The following CDH4 variants were observed in gnomAD, a reference collection of about 807,000 sequenced individuals.
CDH4 encodes cadherin 4.
In CDH4, 33 loss-of-function variants were observed where a neutral mutation model predicts 86.0. The ratio of observed to expected loss-of-function variants is 0.38; its 90% confidence interval spans 0.29 to 0.51. The LOEUF (loss-of-function observed/expected upper bound fraction) is 0.51, where lower values mean the gene tolerates loss of function less well. Ranked by LOEUF, CDH4 falls within the 20% of genes least tolerant of loss-of-function variation. The pLI, the probability that CDH4 is intolerant of heterozygous loss-of-function variation, is 0.86. For missense variants in CDH4, 1,114 were observed against 1,307.4 expected (o/e 0.85, Z 2.28); for synonymous variants, 555 against 549.4 (o/e 1.01, Z -0.14).
chr20:61,527,024 G>A (rs1200877282), intron 2 of CDH4, among the ~76,000 whole-genome samples: 3 of 152,332 alleles, frequency 2.0e-5, no homozygotes, highest in African/African-American at 2.4e-5. Flanking sequence ...CCTTCCCGAC[G>A]GGGCTCCATT....
At chr20:61,803,992 G>A (rs113594423) in intron 4 of CDH4, among the ~76,000 whole-genome samples, 9,507 of 152,314 alleles carry the variant, frequency 0.062, 396 homozygotes, top group Middle Eastern at 0.12. Context: ...GTTGTGTTTA[G>A]CAAGTATCTC....
intron 2 of CDH4, among the ~76,000 whole-genome samples, chr20:61,594,513 G>A (rs1600791021): frequency 6.6e-6 from 1 of 152,190 alleles, no homozygotes; most frequent in African/African-American, 2.4e-5. Context: ...TTTCCAAAAC[G>A]GCATGCTGTG....
Position 61,708,893 on chromosome 20 carries a change from C to A in CDH4, c.170-34670C>A, listed in dbSNP as rs891555814. Among the ~76,000 whole-genome samples, 1 of 152,224 alleles carries A rather than the reference C, an allele frequency of 6.6e-6. No individual in the cohort carries two copies. The highest frequency in any genetic ancestry group is 2.1e-4 in the South Asian group (1 of 4,832). ...TCTTTTCCTGGTAATTTAGTTCTAT[C>A]GTATTTTACAAAGTATCAGCTTGTG... On this transcript the variant is annotated intron_variant, in intron 2 of 15. Transcript: ENST00000614565. The surrounding 1 kb of genome is among the most constrained non-coding windows in gnomAD (Gnocchi z 4.5).
At chr20:61,494,410 G>A (rs1023680683) in intron 2 of CDH4, among the ~76,000 whole-genome samples, 1 of 152,136 alleles carries the variant, frequency 6.6e-6, no homozygotes, top group Non-Finnish European at 1.5e-5. Context: ...TTTAACAAAT[G>A]CATTGTTATC....
chr20:61,744,096 G>T (rs998452466), intron 3 of CDH4, among the ~76,000 whole-genome samples: 8 of 152,168 alleles, frequency 5.3e-5, no homozygotes, highest in African/African-American at 1.9e-4. Context: ...TTTCAAACTG[G>T]GCACTGCAAA....
intron 2 of CDH4, among the ~76,000 whole-genome samples, chr20:61,660,704 G>A (rs2087244090): frequency 6.6e-6 from 1 of 152,168 alleles, no homozygotes; most frequent in Non-Finnish European, 1.5e-5. Context: ...GGTCCCAGAA[G>A]GCCTAGTCCT....
chr20:61,881,706 G>A (rs1311138600), intron 7 of CDH4, among the ~76,000 whole-genome samples: 1 of 152,192 alleles, frequency 6.6e-6, no homozygotes, highest in Non-Finnish European at 1.5e-5. Flanking sequence ...GGAGGAGTGA[G>A]AACCCGTCAC....
chr20:61,688,538 A>T (rs534777913), intron 2 of CDH4, among the ~76,000 whole-genome samples: 1 of 152,330 alleles, frequency 6.6e-6, no homozygotes, highest in South Asian at 2.1e-4. Context: ...TGGGCAGGAC[A>T]CCTGCTTCTC....
chr20:61,580,282 C>T (rs2086415664), intron 2 of CDH4, among the ~76,000 whole-genome samples: 1 of 152,040 alleles, frequency 6.6e-6, no homozygotes, highest in South Asian at 2.1e-4. Flanking sequence ...TGATGAAACC[C>T]CATCTCTACT....
intron 2 of CDH4, among the ~76,000 whole-genome samples, chr20:61,430,063 C>G (rs1039959358): frequency 2.0e-5 from 3 of 152,238 alleles, no homozygotes; most frequent in Admixed American, 6.5e-5. Flanking sequence ...TCCCATGGAT[C>G]TGGACACCCT....
At chr20:61,287,829 A>T (rs1457828548) in intron 2 of CDH4, among the ~76,000 whole-genome samples, 1 of 152,192 alleles carries the variant, frequency 6.6e-6, no homozygotes, top group African/African-American at 2.4e-5. Context: ...AGAGGCGTGC[A>T]GGGACCAGCC....
At chr20:61,340,564 G>A (rs1278254262) in intron 2 of CDH4, among the ~76,000 whole-genome samples, 1 of 151,616 alleles carries the variant, frequency 6.6e-6, no homozygotes, top group African/African-American at 2.4e-5. Context: ...TAAAACAAGT[G>A]TTTGTTTCTT....
At chr20:61,788,209 C>T (rs1978987454) in intron 4 of CDH4, among the ~76,000 whole-genome samples, 1 of 152,146 alleles carries the variant, frequency 6.6e-6, no homozygotes, top group Admixed American at 6.5e-5. Flanking sequence ...ATCTGTGACC[C>T]TTGAGGAATG....
At chr20:61,458,357 C>A (rs569511056) in intron 2 of CDH4, among the ~76,000 whole-genome samples, 1 of 138,358 alleles carries the variant, frequency 7.2e-6, no homozygotes, top group African/African-American at 2.7e-5. Flanking sequence ...AGTGCTGACG[C>A]TGTGGTGGTC....
intron 2 of CDH4, among the ~76,000 whole-genome samples, chr20:61,323,950 T>C (rs757476105): frequency 1.1e-4 from 16 of 152,144 alleles, no homozygotes; most frequent in Non-Finnish European, 4.4e-5. Context: ...AACCTGAAGT[T>C]ACGGGAAAAT....
intron 2 of CDH4, among the ~76,000 whole-genome samples, chr20:61,554,045 C>G (rs1683682920): frequency 1.3e-5 from 2 of 152,236 alleles, no homozygotes; most frequent in South Asian, 4.1e-4. Flanking sequence ...CAGGACTCCC[C>G]AGGGCAGGGG....
At chr20:61,786,436 G>C (rs780860658) in intron 4 of CDH4, among the ~76,000 whole-genome samples, 11 of 152,166 alleles carry the variant, frequency 7.2e-5, no homozygotes, top group Non-Finnish European at 1.5e-4. Flanking sequence ...GGGATGTGAA[G>C]AAAGCAATCA....
At chr20:61,519,691 G>A (rs959210496) in intron 2 of CDH4, among the ~76,000 whole-genome samples, 33 of 152,250 alleles carry the variant, frequency 2.2e-4, no homozygotes, top group African/African-American at 7.7e-4. Context: ...CTAGATGGGT[G>A]TCTATTCTTT....
intron 2 of CDH4, among the ~76,000 whole-genome samples, chr20:61,655,744 G>A (rs1254832820): frequency 6.6e-6 from 1 of 152,210 alleles, no homozygotes; most frequent in Admixed American, 6.5e-5. Flanking sequence ...TTCTGTCCTG[G>A]GCATGGGGAT....
Sources: allele counts gnomAD v4.1 joint callset (sites outside exome capture counted in the v4.1 genomes callset), GRCh38; gene constraint gnomAD v4.1.1; non-coding constraint Gnocchi (gnomAD v3.1); transcripts MANE v1.5; gene names NCBI Gene and HGNC (gene_info 2026-07-23, HGNC 2026-07-21).